The following DLC1 variants were observed in gnomAD, a reference collection of about 807,000 sequenced individuals.
DLC1 encodes the protein DLC1 Rho GTPase activating protein.
DLC1 carries 54 observed loss-of-function variants against 140.3 expected under a neutral mutation model. The ratio of observed to expected loss-of-function variants is 0.38; its 90% CI spans 0.31 to 0.48. The LOEUF (loss-of-function observed/expected upper bound fraction) is 0.48. Among genes scored for constraint, DLC1 ranks in the 20% least tolerant of loss-of-function variants. The probability of loss-of-function intolerance (pLI) is 0.96; values close to 1 mark genes in which losing one functional copy is unlikely to be tolerated. For missense variants in DLC1, 2,536 were observed against 1,907.0 expected (o/e 1.33, Z -6.14); for synonymous variants, 986 against 728.1 (o/e 1.35, Z -5.70).
At chr8:13,603,110 G>A (rs980574628) in intron 1 of DLC1, among the ~76,000 whole-genome samples, 2 of 151,762 alleles carry the variant, frequency 1.3e-5, no homozygotes, top group Admixed American at 1.3e-4. Context: ...GTTTAATAAA[G>A]TTTAGAATAT....
chr8:13,429,414 T>C lies in DLC1; in HGVS notation c.1024-27795A>G, dbSNP rs561657398. Among the ~76,000 whole-genome samples the C allele has an allele frequency of 2.0e-5, 3 of 151,026 alleles. No homozygotes were observed. The South Asian group carries it at 6.4e-4, about 32-fold the overall frequency. On this transcript the variant is annotated intron_variant, in intron 2 of 17. Coordinates refer to ENST00000276297, the MANE Select transcript of DLC1 (RefSeq NM_182643.3). ...CCCCATACGGTCTGATTTAATAAAT[T>C]TGGGATAAAGTCTAGGCATCCATAT...
At chr8:13,281,106 A>G (rs1831351291) in intron 5 of DLC1, among the ~76,000 whole-genome samples, 1 of 152,242 alleles carries the variant, frequency 6.6e-6, no homozygotes, top group Admixed American at 6.5e-5. Context: ...GTTCATTGTG[A>G]TAACTGGCAT....
intron 1 of DLC1, chr8:13,568,209 A>G (rs1165867502): frequency 5.7e-6 from 2 of 348,274 alleles, no homozygotes; most frequent in Admixed American, 4.4e-5. Flanking sequence ...GGGATGTAAG[A>G]GAAACTTAAA....
intron 1 of DLC1, among the ~76,000 whole-genome samples, chr8:13,512,212 G>A (rs1260307592): frequency 1.3e-5 from 2 of 151,796 alleles, no homozygotes; most frequent in African/African-American, 4.8e-5. Context: ...AATAACATCA[G>A]GAAACTCAAT....
chr8:13,313,017 A>T (rs1832742317), intron 4 of DLC1, among the ~76,000 whole-genome samples: 1 of 152,108 alleles, frequency 6.6e-6, no homozygotes, highest in Non-Finnish European at 1.5e-5. Context: ...CCTCATAATG[A>T]TTCATTTTGT....
At chr8:13,456,446 CTTTTTTATTTTT>C (rs941224533) in intron 2 of DLC1, among the ~76,000 whole-genome samples, 3 of 143,448 alleles carry the variant, frequency 2.1e-5, no homozygotes, top group South Asian at 2.1e-4. Flanking sequence ...CTTCTACTTC[CTTTTTTATTTTT>C]TTTTTTATTT....
intron 2 of DLC1, among the ~76,000 whole-genome samples, chr8:13,431,311 A>G (rs371682530): frequency 6.6e-5 from 10 of 151,634 alleles, no homozygotes; most frequent in South Asian, 2.1e-4. Context: ...GTGAAACCCC[A>G]TCTCTACTCA....
At position 13,298,585 on chromosome 8, in the gene DLC1, A is replaced by C. The variant is rs139637198; in HGVS notation, c.1348+6684T>G. ...AAAGTTCATGATCTAGAGAAGACAC[A>C]CAGCTAAGCAAGATAATAAAACTGT... On this transcript the variant is annotated intron_variant, in intron 5 of 17. Coordinates refer to ENST00000276297, the MANE Select transcript of DLC1 (RefSeq NM_182643.3). Among the ~76,000 whole-genome samples, 414 of 152,338 alleles carry C rather than the reference A, an allele frequency of 2.7e-3. 2 individuals are homozygous for C. Among genetic ancestry groups the C allele is most frequent in the African/African-American group, 9.6e-3 (399 of 41,584 alleles).
chr8:13,193,909 C>G (rs1441901240), intron 5 of DLC1, among the ~76,000 whole-genome samples: 2 of 152,156 alleles, frequency 1.3e-5, no homozygotes, highest in Admixed American at 6.6e-5. Flanking sequence ...TAGGGAATAT[C>G]TGACGCCGCT....
At chr8:13,217,827 G>A (rs1462277741) in intron 5 of DLC1, among the ~76,000 whole-genome samples, 1 of 150,620 alleles carries the variant, frequency 6.6e-6, no homozygotes, top group African/African-American at 2.5e-5. Flanking sequence ...GACAGAGTGA[G>A]ACTCCATTTC....
At chr8:13,161,929 T>G (rs748740471) in intron 5 of DLC1, among the ~76,000 whole-genome samples, 35 of 152,234 alleles carry the variant, frequency 2.3e-4, no homozygotes, top group Non-Finnish European at 4.4e-4. Context: ...TTTTATGTTA[T>G]TAAAATATAG....
intron 5 of DLC1, among the ~76,000 whole-genome samples, chr8:13,227,331 C>T (rs187318395): frequency 1.6e-4 from 25 of 152,210 alleles, no homozygotes; most frequent in Admixed American, 1.6e-3. Context: ...TTTTATGTCT[C>T]GTACTTTATT....
At chr8:13,307,937 A>G (rs1832519858) in intron 4 of DLC1, among the ~76,000 whole-genome samples, 1 of 152,198 alleles carries the variant, frequency 6.6e-6, no homozygotes. Context: ...TTATGATAAG[A>G]CATTTACTTA....
intron 5 of DLC1, among the ~76,000 whole-genome samples, chr8:13,297,219 T>C (rs1051262740): frequency 4.7e-5 from 6 of 126,470 alleles, no homozygotes; most frequent in African/African-American, 1.8e-4. Flanking sequence ...TGAGAAGTTA[T>C]GTGTGGGCAT....
At chr8:13,529,346 C>T (rs1211452553) in intron 1 of DLC1, among the ~76,000 whole-genome samples, 1 of 152,094 alleles carries the variant, frequency 6.6e-6, no homozygotes, top group East Asian at 1.9e-4. Context: ...GCATTATACC[C>T]TACAATAATT....
chr8:13,451,999 G>C (rs1284947827), intron 2 of DLC1, among the ~76,000 whole-genome samples: 1 of 151,886 alleles, frequency 6.6e-6, no homozygotes, highest in Non-Finnish European at 1.5e-5. Flanking sequence ...AGAGTACGAG[G>C]GTTCTATTGG....
In DLC1 at chr8:13,083,738, G is replaced by T. The variant is rs568361521; in HGVS notation, c.*2073C>A. 6.5e-6 allele frequency: 1 copy of T among 152,694 alleles called. No individual in the cohort carries two copies. Among genetic ancestry groups the T allele is most frequent in the East Asian group, 1.9e-4 (1 of 5,176 alleles). 9.5% of individuals were successfully genotyped at this position (152,694 alleles called of 1,614,324 possible). ...TCCGTGCTTCCTGAACCTTCACCAG[G>T]GTTTCCTGTTTGGGAGTGGGTGGCT... On this transcript the variant is annotated 3_prime_UTR_variant, in exon 18 of 18. Transcript: ENST00000276297.
intron 5 of DLC1, among the ~76,000 whole-genome samples, chr8:13,295,877 G>T (rs1424004311): frequency 6.8e-6 from 1 of 147,324 alleles, no homozygotes; most frequent in African/African-American, 2.5e-5. Flanking sequence ...TGCAAACTGT[G>T]CACTGGAAAC....
intron 2 of DLC1, among the ~76,000 whole-genome samples, chr8:13,480,973 G>C (rs1431221969): frequency 1.3e-5 from 2 of 152,100 alleles, no homozygotes; most frequent in East Asian, 3.8e-4. Flanking sequence ...GGATTGAAAG[G>C]GGTTAGGACC....
Sources: allele counts gnomAD v4.1 joint callset (sites outside exome capture counted in the v4.1 genomes callset), GRCh38; gene constraint gnomAD v4.1.1; transcripts MANE v1.5; gene names NCBI Gene and HGNC (gene_info 2026-07-23, HGNC 2026-07-21).